ANKRD50: variants seen among roughly 807,000 people sequenced by gnomAD.
The protein encoded by ANKRD50 is ankyrin repeat domain 50.
A neutral mutation model predicts 112.0 loss-of-function variants in ANKRD50; 40 were observed. The ratio of observed to expected loss-of-function variants is 0.36; its 90% confidence interval spans 0.28 to 0.46. The LOEUF (loss-of-function observed/expected upper bound fraction) is 0.46, where lower values mean the gene tolerates loss of function less well. Ranked by LOEUF, ANKRD50 falls within the 20% of genes least tolerant of loss-of-function variation. The probability of loss-of-function intolerance (pLI) is 1.00; values close to 1 mark genes in which losing one functional copy is unlikely to be tolerated. For synonymous variants in ANKRD50, 613 were observed against 619.1 expected, an observed-to-expected ratio of 0.99 and a Z score of 0.15; for missense variants, 1,487 against 1,701.7, an observed-to-expected ratio of 0.87 and a Z score of 2.22.
At chr4:124,693,187 G>A (rs1048131258) in intron 2 of ANKRD50, among the ~76,000 whole-genome samples, 1 of 152,190 alleles carries the variant, frequency 6.6e-6, no homozygotes, top group African/African-American at 2.4e-5. Flanking sequence ...AACCAGGCAA[G>A]TGATGTTAAC....
chr4:124,668,881 A>G (rs1163162714), intron 4 of ANKRD50, 103 bp downstream of exon 4: 8 of 1,051,150 alleles, frequency 7.6e-6, no homozygotes, highest in Admixed American at 2.8e-5. Context: ...ACATCTGAGT[A>G]GAGATTAACT....
chr4:124,704,441 G>C (rs1250805868), intron 2 of ANKRD50, among the ~76,000 whole-genome samples: 1 of 152,140 alleles, frequency 6.6e-6, no homozygotes, highest in Non-Finnish European at 1.5e-5. Flanking sequence ...TAGATATCTG[G>C]CCACTTAAAA....
intron 2 of ANKRD50, among the ~76,000 whole-genome samples, chr4:124,684,775 A>G (rs1437076454): frequency 1.3e-5 from 2 of 152,222 alleles, no homozygotes; most frequent in Non-Finnish European, 2.9e-5. Flanking sequence ...GTTATTCCCC[A>G]GTACTATTTA....
intron 2 of ANKRD50, among the ~76,000 whole-genome samples, chr4:124,684,799 C>A (rs187858007): frequency 1.8e-4 from 27 of 152,256 alleles, no homozygotes; most frequent in African/African-American, 6.3e-4. Context: ...TGGTCTTAGT[C>A]ATGTAAAAAG....
chr4:124,676,260 T>C (rs1468564403), intron 3 of ANKRD50, among the ~76,000 whole-genome samples: 1 of 151,706 alleles, frequency 6.6e-6, no homozygotes, highest in Non-Finnish European at 1.5e-5. Context: ...TTTATCAAAA[T>C]CTTAATAATT....
In ANKRD50 at chr4:124,671,137, G is replaced by T; in HGVS notation, c.2140C>A (p.Leu714Ile). The T allele has an allele frequency of 1.2e-6, 2 of 1,613,814 alleles. No homozygotes were observed. The highest frequency in any genetic ancestry group is 1.7e-6 in the Non-Finnish European group (2 of 1,179,838). The stretch of plus-strand genomic sequence containing the variant: ...GGCACACAAAGTGCAGCTACAGAGA[G>T]TGCAGTCCTGCCATCAACATCCTCA... The part of the protein sequence containing the change: ...NHEDVDGRTA[L>I]SVAALCVPAS... The change falls in exon 4 of 5, where the codon CTC becomes ATC. Residue 714 changes from leucine (L) to isoleucine (I), a missense_variant. Leu to Ile is a conservative substitution (Grantham distance 5). Transcript: ENST00000504087.
intron 3 of ANKRD50, 50 bp downstream of exon 3, chr4:124,678,626 A>T: frequency 1.3e-6 from 2 of 1,508,722 alleles, no homozygotes; most frequent in Non-Finnish European, 1.8e-6. Context: ...CTAAGAAACT[A>T]GTTCATTAAT....
chr4:124,670,112 T>C lies in ANKRD50; in HGVS notation c.3165A>G (p.Glu1055=). The change falls in exon 4 of 5, where the codon GAA becomes GAG. Residue 1055 remains glutamate (E), a synonymous_variant. Coordinates refer to ENST00000504087, the MANE Select transcript of ANKRD50 (RefSeq NM_020337.3). Reference sequence around the variant, plus strand: ...AGACCTGAACAACATCAATGTGCCCTTCCTGGGCTGCAATACAGAGTGCAG... The same window carrying C: ...AGACCTGAACAACATCAATGTGCCCCTCCTGGGCTGCAATACAGAGTGCAG... ...GATALCIAAQ[E]GHIDVVQVLL... The C allele has an allele frequency of 1.2e-6, 2 of 1,613,378 alleles. No individual in the cohort carries two copies. The highest frequency in any genetic ancestry group is 1.1e-5 in the South Asian group (1 of 90,980).
intron 3 of ANKRD50, among the ~76,000 whole-genome samples, chr4:124,673,602 G>A (rs923713115): frequency 1.3e-5 from 2 of 152,036 alleles, no homozygotes; most frequent in Non-Finnish European, 2.9e-5. Flanking sequence ...TACAGTGTTT[G>A]GTGAATGTGG....
intron 1 of ANKRD50, 71 bp downstream of exon 1, chr4:124,712,387 G>C (rs1043564611): frequency 2.0e-5 from 3 of 153,754 alleles, no homozygotes; most frequent in Non-Finnish European, 2.9e-5. Flanking sequence ...TCCAAGCCAC[G>C]GCCTCGGCCT....
intron 2 of ANKRD50, among the ~76,000 whole-genome samples, chr4:124,691,748 C>T (rs965582787): frequency 6.6e-6 from 1 of 152,078 alleles, no homozygotes; most frequent in African/African-American, 2.4e-5. Flanking sequence ...ATGAAAAATA[C>T]ACTTTTCTCT....
At chr4:124,682,083 G>A (rs987550424) in intron 2 of ANKRD50, among the ~76,000 whole-genome samples, 1 of 152,140 alleles carries the variant, frequency 6.6e-6, no homozygotes, top group Admixed American at 6.5e-5. Flanking sequence ...CAGGGAGGCC[G>A]AGGCGGGTGG....
chr4:124,668,929 C>T, intron 4 of ANKRD50, 55 bp downstream of exon 4: 1 of 1,462,386 alleles, frequency 6.8e-7, no homozygotes, highest in South Asian at 1.3e-5. Context: ...AAGAGCATTC[C>T]AAGTAGAGGG....
chr4:124,678,962 T>G, intron 2 of ANKRD50, 57 bp from the exon 3 acceptor site: 1 of 1,265,850 alleles, frequency 7.9e-7, no homozygotes, highest in Admixed American at 2.1e-5. Context: ...ATGTTAAGAT[T>G]TATTATTCAA....
intron 2 of ANKRD50, among the ~76,000 whole-genome samples, chr4:124,705,705 GT>G (rs1725491134): frequency 6.6e-6 from 1 of 152,120 alleles, no homozygotes; most frequent in South Asian, 2.1e-4. Context: ...AGTTGCTTGA[GT>G]TTTTTGTCAA....
intron 1 of ANKRD50, among the ~76,000 whole-genome samples, chr4:124,711,521 A>T (rs1725631156): frequency 6.6e-6 from 1 of 152,162 alleles, no homozygotes; most frequent in Non-Finnish European, 1.5e-5. Flanking sequence ...GATTTTTGCA[A>T]CTTCACCATA....
chr4:124,674,271 T>C (rs191304145), intron 3 of ANKRD50, among the ~76,000 whole-genome samples: 158 of 152,046 alleles, frequency 1.0e-3, no homozygotes, highest in African/African-American at 3.6e-3. Context: ...CACTACTTGA[T>C]TTACATGAAA....
chr4:124,673,899 A>G (rs1372919676), intron 3 of ANKRD50, among the ~76,000 whole-genome samples: 1 of 152,050 alleles, frequency 6.6e-6, no homozygotes, highest in East Asian at 1.9e-4. Context: ...AATTTTACAT[A>G]TATATGTATA....
chr4:124,708,715 C>T (rs1360298095), intron 2 of ANKRD50, among the ~76,000 whole-genome samples: 1 of 147,890 alleles, frequency 6.8e-6, no homozygotes, highest in African/African-American at 2.5e-5. Context: ...CACACACACA[C>T]ACACATACAC....
Sources: allele counts gnomAD v4.1 joint callset (sites outside exome capture counted in the v4.1 genomes callset), GRCh38; gene constraint gnomAD v4.1.1; transcripts MANE v1.5; gene names NCBI Gene and HGNC (gene_info 2026-07-23, HGNC 2026-07-21).